Variants in RAP1B observed in about 807,000 individuals in gnomAD.
RAP1B encodes the protein ras-related protein Rap-1b.
A neutral mutation model predicts 27.5 loss-of-function variants in RAP1B; 1 was observed. That is an observed-to-expected ratio of 0.04 (90% confidence interval 0.01 to 0.17). The LOEUF is 0.17. RAP1B is among the 10% of genes least tolerant of loss of function. The probability of loss-of-function intolerance (pLI) is 1.00; values close to 1 mark genes in which losing one functional copy is unlikely to be tolerated. For missense variants in RAP1B, 84 were observed against 214.8 expected, an observed-to-expected ratio of 0.39 and a Z score of 3.81; for synonymous variants, 75 against 73.1, an observed-to-expected ratio of 1.03 and a Z score of -0.13.
intron 1 of RAP1B, among the ~76,000 whole-genome samples, chr12:68,611,843 C>T (rs549185685): frequency 2.8e-4 from 42 of 152,320 alleles, no homozygotes; most frequent in African/African-American, 9.1e-4. Context: ...GGTGTCTAAT[C>T]CTAAAACTAT....
At position 68,668,291 on chromosome 12, in the gene RAP1B, C is replaced by G. The variant is rs970830426; in HGVS notation, c.*9042C>G. 7 of 152,238 alleles carry G rather than the reference C, an allele frequency of 4.6e-5. No homozygotes were observed. The highest frequency in any genetic ancestry group is 1.7e-4 in the African/African-American group (7 of 41,464). 9.4% of individuals were successfully genotyped at this position (152,238 alleles called of 1,614,324 possible). ...ATTTTACAGTGCCACTACCTACCTC[C>G]ATACTGTATCAGAGGAGCCAGTTGC... On this transcript the variant is annotated 3_prime_UTR_variant, in exon 8 of 8. Coordinates refer to ENST00000250559, the MANE Select transcript of RAP1B (RefSeq NM_001010942.3).
intron 3 of RAP1B, among the ~76,000 whole-genome samples, chr12:68,651,101 CAT>C (rs751231454): frequency 7.2e-5 from 11 of 152,274 alleles, no homozygotes; most frequent in East Asian, 1.9e-4. Flanking sequence ...CACATGAGCT[CAT>C]GTGTGGAATT....
rs762163438 is a variant in RAP1B at position 68,656,274 on chromosome 12, A to G, written c.325-32A>G. On this transcript the variant is annotated intron_variant, in intron 5 of 7. Transcript: ENST00000250559. ...TTGAATTCATATAGCATATTTACTTATTTATTTTTACTCTCACAAATGTAT... is the reference window on the plus strand; with the variant it reads ...TTGAATTCATATAGCATATTTACTTGTTTATTTTTACTCTCACAAATGTAT... The G allele has an allele frequency of 1.7e-5, 26 of 1,555,854 alleles. No homozygotes were observed. The East Asian group carries it at 5.9e-4, about 35-fold the overall frequency.
At chr12:68,645,050 C>G (rs770506859) in intron 1 of RAP1B, among the ~76,000 whole-genome samples, 21 of 152,158 alleles carry the variant, frequency 1.4e-4, no homozygotes, top group Non-Finnish European at 2.4e-4. Flanking sequence ...GTCAGTGACT[C>G]TGAAGAATTA....
chr12:68,650,222 TAAAC>T, intron 2 of RAP1B, 174 bp from the exon 3 acceptor site: 1 of 472,158 alleles, frequency 2.1e-6, no homozygotes, highest in African/African-American at 2.1e-5. Context: ...TATTTAAAAA[TAAAC>T]AGCTTCCTGA....
intron 1 of RAP1B, among the ~76,000 whole-genome samples, chr12:68,633,164 C>G (rs1872387358): frequency 6.6e-6 from 1 of 152,082 alleles, no homozygotes; most frequent in Non-Finnish European, 1.5e-5. Flanking sequence ...CATCTAAAAC[C>G]TTAAAACTAA....
Position 68,666,920 on chromosome 12 carries a change from G to A in RAP1B, c.*7671G>A, listed in dbSNP as rs536959602. Reference sequence around the variant, plus strand: ...TTCTGAGGGAAGTCTGGGATTAGGTGAGACTTTAATGAGTCCATCAGAGGT... The same window carrying A: ...TTCTGAGGGAAGTCTGGGATTAGGTAAGACTTTAATGAGTCCATCAGAGGT... On this transcript the variant is annotated 3_prime_UTR_variant, in exon 8 of 8. Transcript: ENST00000250559. The A allele has an allele frequency of 2.6e-5, 4 of 152,284 alleles. No individual in the cohort carries two copies. The highest frequency in any genetic ancestry group is 9.6e-5 in the African/African-American group (4 of 41,554). 9.4% of individuals were successfully genotyped at this position (152,284 alleles called of 1,614,324 possible).
chr12:68,638,175 A>G (rs932621305), intron 1 of RAP1B, among the ~76,000 whole-genome samples: 32 of 152,096 alleles, frequency 2.1e-4, no homozygotes, highest in African/African-American at 7.7e-4. Flanking sequence ...TATATTTGGT[A>G]TATAGATTTT....
At chr12:68,646,275 G>A (rs2920022) in intron 1 of RAP1B, among the ~76,000 whole-genome samples, 107,768 of 151,784 alleles carry the variant, frequency 0.71, 38,642 homozygotes, top group African/African-American at 0.79. Context: ...TAGTTATGCA[G>A]CCATCACTAC....
At chr12:68,632,651 G>GT (rs895184071) in intron 1 of RAP1B, among the ~76,000 whole-genome samples, 61 of 151,440 alleles carry the variant, frequency 4.0e-4, no homozygotes, top group Middle Eastern at 3.4e-3. Flanking sequence ...AGTAGACACA[G>GT]TTTTTTTTTA....
At chr12:68,646,661 T>A (rs1292268389) in intron 1 of RAP1B, among the ~76,000 whole-genome samples, 1 of 152,192 alleles carries the variant, frequency 6.6e-6, no homozygotes, top group Non-Finnish European at 1.5e-5. Flanking sequence ...TCAGTCCCAC[T>A]CTCACTCCCA....
chr12:68,637,263 C>T (rs539386541), intron 1 of RAP1B, among the ~76,000 whole-genome samples: 2 of 152,150 alleles, frequency 1.3e-5, no homozygotes, highest in East Asian at 1.9e-4. Context: ...TCCATCAACT[C>T]GGTACAGTCA....
chr12:68,650,924 T>C (rs988539095), intron 3 of RAP1B: 1 of 152,446 alleles, frequency 6.6e-6, no homozygotes, highest in African/African-American at 2.4e-5. Flanking sequence ...AGATTTCAGA[T>C]TATTTTCTGA....
At chr12:68,627,369 G>T in intron 1 of RAP1B, 1 of 672,438 alleles carries the variant, frequency 1.5e-6, no homozygotes, top group Non-Finnish European at 2.7e-6. Context: ...GGCTTAATAG[G>T]CTGCAGCAGG....
At chr12:68,616,469 C>T (rs1246906835) in intron 1 of RAP1B, among the ~76,000 whole-genome samples, 3 of 102,182 alleles carry the variant, frequency 2.9e-5, no homozygotes, top group East Asian at 5.8e-4. Flanking sequence ...TTTTTTGAGA[C>T]GGAGTCTCTC....
intron 1 of RAP1B, among the ~76,000 whole-genome samples, chr12:68,629,958 A>G (rs1872114899): frequency 6.6e-6 from 1 of 152,232 alleles, no homozygotes; most frequent in African/African-American, 2.4e-5. Context: ...AAAATATTCT[A>G]CAGCAGAAAT....
At chr12:68,636,181 A>C (rs1390475067) in intron 1 of RAP1B, among the ~76,000 whole-genome samples, 4 of 152,126 alleles carry the variant, frequency 2.6e-5, no homozygotes, top group Non-Finnish European at 5.9e-5. Flanking sequence ...CATGACAGTC[A>C]GCTATTTTTT....
At chr12:68,612,229 T>C (rs1870655773) in intron 1 of RAP1B, among the ~76,000 whole-genome samples, 1 of 152,380 alleles carries the variant, frequency 6.6e-6, no homozygotes, top group South Asian at 2.1e-4. Flanking sequence ...TTTAAAGCTC[T>C]GACTTGTAAA....
Position 68,663,640 on chromosome 12 carries a change from C to T in RAP1B, c.*4391C>T, listed in dbSNP as rs1874723779. The T allele has an allele frequency of 6.6e-6, 1 of 152,224 alleles. No homozygotes were observed. The highest frequency in any genetic ancestry group is 2.1e-4 in the South Asian group (1 of 4,834). 9.4% of individuals were successfully genotyped at this position (152,224 alleles called of 1,614,324 possible). On this transcript the variant is annotated 3_prime_UTR_variant, in exon 8 of 8. Coordinates refer to ENST00000250559, the MANE Select transcript of RAP1B (RefSeq NM_001010942.3). ...TAAAAAAAGTATTCCATGTTACACA[C>T]ATTTTAAACTTGCTTCTTAAAACAT... is the stretch of plus-strand genomic sequence containing the variant.
Sources: gnomAD v4.1 joint callset for allele counts (sites outside exome capture counted in the v4.1 genomes callset) on GRCh38, gnomAD v4.1.1 for gene constraint, MANE v1.5 for transcripts, NCBI Gene and HGNC (gene_info 2026-07-23, HGNC 2026-07-21) for gene names.